Variants in GLI2 observed in about 807,000 individuals in gnomAD.
The protein encoded by GLI2 is transcription activator GLI2.
GLI2 carries 22 observed loss-of-function variants against 78.9 expected under a neutral mutation model. The observed-to-expected ratio is 0.28, with a 90% CI of 0.20 to 0.40. GLI2 has a LOEUF of 0.40. Among genes scored for constraint, GLI2 ranks in the 10% least tolerant of loss-of-function variants. GLI2 has a pLI of 1.00. For synonymous variants in GLI2, 974 were observed against 963.7 expected (o/e 1.01, Z -0.20); for missense variants, 2,097 against 2,213.2 (o/e 0.95, Z 1.05).
Position 120,988,278 on chromosome 2 carries a change from G to GCCGAAC in GLI2, c.2313_2314insCCGAAC (p.Leu771_Ser772insProAsn). 2 of 1,568,804 alleles carry GCCGAAC rather than the reference G, an allele frequency of 1.3e-6. No individual in the cohort carries two copies. Among genetic ancestry groups the GCCGAAC allele is most frequent in the Non-Finnish European group, 1.7e-6 (2 of 1,162,750 alleles). On this transcript the variant is annotated inframe_insertion, in exon 14 of 14. Coordinates refer to ENST00000361492, the MANE Select transcript of GLI2 (RefSeq NM_001374353.1). ...CGGGGCTGCTGCCGAACCCGCGGCT[G>GCCGAAC]TCGGAGCTGTCCGCGAGCGAGGTGA... is the stretch of plus-strand genomic sequence containing the variant.
At chr2:120,846,385 T>C (rs1687117306) in intron 2 of GLI2, among the ~76,000 whole-genome samples, 1 of 152,214 alleles carries the variant, frequency 6.6e-6, no homozygotes, top group South Asian at 2.1e-4. Flanking sequence ...CATAACTGGC[T>C]GGGCCTGGGA....
rs1192667403 is a variant in GLI2, at chr2:120,737,395, C to T, written c.-31+1110C>T. ...CACCCTGGGTGATCGGTCGCTGAGG[C>T]TCTCGGGGACCTCGAGCCCCCCCGA... On this transcript the variant is annotated intron_variant, in intron 1 of 13. Coordinates refer to ENST00000361492, the MANE Select transcript of GLI2 (RefSeq NM_001374353.1). This position sits in a 1 kb window ranked among gnomAD's most constrained non-coding sequence, Gnocchi z 4.3. Among the ~76,000 whole-genome samples the T allele has an allele frequency of 6.6e-6, 1 of 152,184 alleles. No homozygotes were observed.
chr2:120,878,228 CCAGGGG>C (rs1654129721), intron 2 of GLI2, among the ~76,000 whole-genome samples: 1 of 152,186 alleles, frequency 6.6e-6, no homozygotes. Context: ...ATCCTCCCTC[CCAGGGG>C]CAGAGCAAGG....
intron 2 of GLI2, among the ~76,000 whole-genome samples, chr2:120,885,619 C>T (rs1677358240): frequency 6.6e-6 from 1 of 152,222 alleles, no homozygotes. Context: ...AGTGCCCACT[C>T]GGACACACAG....
At chr2:120,913,917 G>C (rs1303231812) in intron 2 of GLI2, among the ~76,000 whole-genome samples, 2 of 152,240 alleles carry the variant, frequency 1.3e-5, no homozygotes, top group African/African-American at 4.8e-5. Flanking sequence ...CGTCTCAAGA[G>C]CTATGGCAGA....
At chr2:120,825,108 G>C (rs1685983225) in intron 2 of GLI2, among the ~76,000 whole-genome samples, 1 of 152,166 alleles carries the variant, frequency 6.6e-6, no homozygotes, top group Non-Finnish European at 1.5e-5. Context: ...TTACAGGTGT[G>C]AGCCATTGTG....
intron 2 of GLI2, among the ~76,000 whole-genome samples, chr2:120,896,669 ACCCCCC>A (rs11418226): frequency 5.6e-5 from 8 of 141,678 alleles, no homozygotes; most frequent in African/African-American, 1.9e-4. Flanking sequence ...ACATACACCC[ACCCCCC>A]CACACACTCA....
In GLI2 at chr2:120,735,881, A is replaced by C. The variant is rs994173465; in HGVS notation, c.-435A>C. 6.6e-6 allele frequency among the ~76,000 whole-genome samples: 1 copy of C among 151,806 alleles called. No homozygotes were observed. The highest frequency in any genetic ancestry group is 6.6e-5 in the Admixed American group (1 of 15,260). ...CAGTCCGGCGGCGCTGATGGATTGC[A>C]GAAGTGCCGGCGCTTGCCAGCCGAG... On this transcript the variant is annotated 5_prime_UTR_variant, in exon 1 of 14. Transcript: ENST00000361492.
intron 2 of GLI2, among the ~76,000 whole-genome samples, chr2:120,871,281 G>A (rs1688413251): frequency 6.7e-6 from 1 of 148,776 alleles, no homozygotes; most frequent in South Asian, 2.1e-4. Context: ...TCAAAGATAG[G>A]GCTGTACTTC....
At chr2:120,749,413 G>A (rs924275977) in intron 1 of GLI2, among the ~76,000 whole-genome samples, 2 of 152,158 alleles carry the variant, frequency 1.3e-5, no homozygotes, top group African/African-American at 4.8e-5. Flanking sequence ...TAGTTCATTT[G>A]GACCCCACAC....
At chr2:120,782,914 A>C (rs991000903) in intron 1 of GLI2, among the ~76,000 whole-genome samples, 7 of 152,152 alleles carry the variant, frequency 4.6e-5, no homozygotes, top group Non-Finnish European at 7.3e-5. Context: ...GCTCTCTTAC[A>C]ATCCCTGGGA....
At chr2:120,781,190 C>G (rs1161506811) in intron 1 of GLI2, among the ~76,000 whole-genome samples, 1 of 152,210 alleles carries the variant, frequency 6.6e-6, no homozygotes, top group East Asian at 1.9e-4. Flanking sequence ...CTGGCCTGGC[C>G]TGGTCCTGCT....
intron 2 of GLI2, among the ~76,000 whole-genome samples, chr2:120,833,804 A>G (rs1686478642): frequency 6.6e-6 from 1 of 152,218 alleles, no homozygotes; most frequent in Non-Finnish European, 1.5e-5. Context: ...GACATTCAGC[A>G]TTTGAACTTA....
At chr2:120,984,892 C>T in intron 12 of GLI2, 149 bp downstream of exon 12, 1 of 791,312 alleles carries the variant, frequency 1.3e-6, no homozygotes. Flanking sequence ...TTTCCCCCTT[C>T]ACCACCTTGG....
intron 2 of GLI2, among the ~76,000 whole-genome samples, chr2:120,909,561 C>T (rs1238531902): frequency 2.0e-5 from 3 of 152,268 alleles, no homozygotes; most frequent in East Asian, 3.9e-4. Context: ...CGTGCACACC[C>T]CCTCATTTAT....
rs1432248462 is a variant in GLI2, at chr2:120,881,563, G to A, written c.149-45798G>A. ...AGTGGGGGAAAGACAGTGGTGGGGAGGACAGGTAGGGGAGGGCAGGTAGTG... is the reference window on the plus strand; with the variant it reads ...AGTGGGGGAAAGACAGTGGTGGGGAAGACAGGTAGGGGAGGGCAGGTAGTG... On this transcript the variant is annotated intron_variant, in intron 2 of 13. Transcript: ENST00000361492. 8.6e-5 allele frequency among the ~76,000 whole-genome samples: 10 copies of A among 115,854 alleles called. No homozygotes were observed. In the Admixed American group the frequency reaches 9.1e-4, roughly 11 times the overall value. The allele number at this position is 115,854 out of a possible 152,430, so 76.0% of individuals were successfully genotyped here. A position where few individuals can be genotyped will look rare whatever the true frequency, so the allele number is the denominator to read the frequency against.
At chr2:120,830,566 C>T (rs759946907) in intron 2 of GLI2, among the ~76,000 whole-genome samples, 6 of 152,228 alleles carry the variant, frequency 3.9e-5, no homozygotes, top group Non-Finnish European at 7.3e-5. Flanking sequence ...GTAATGTGTT[C>T]CCCAAACAGC....
intron 2 of GLI2, among the ~76,000 whole-genome samples, chr2:120,875,343 G>T (rs1024761206): frequency 1.3e-5 from 2 of 152,248 alleles, no homozygotes; most frequent in Non-Finnish European, 2.9e-5. Context: ...AGTGACTTTG[G>T]GCTGGCCATC....
chr2:120,894,432 C>T lies in GLI2; in HGVS notation c.149-32929C>T, dbSNP rs543277295. On this transcript the variant is annotated intron_variant, in intron 2 of 13. Coordinates refer to ENST00000361492, the MANE Select transcript of GLI2 (RefSeq NM_001374353.1). ...CTGGGGGACTTTAGCCTTGAGTATA[C>T]GCAGCCTGGGAGTCTCCAGTGCTCA... Among the ~76,000 whole-genome samples the T allele has an allele frequency of 7.9e-5, 12 of 152,282 alleles. No homozygotes were observed. In the East Asian group the frequency reaches 2.3e-3, roughly 29 times the overall value.
Sources: allele counts gnomAD v4.1 joint callset (sites outside exome capture counted in the v4.1 genomes callset), GRCh38; gene constraint gnomAD v4.1.1; non-coding constraint Gnocchi (gnomAD v3.1); transcripts MANE v1.5; gene names NCBI Gene and HGNC (gene_info 2026-07-23, HGNC 2026-07-21).